Variants in TNS3 observed in about 807,000 individuals in gnomAD.
TNS3 encodes tensin-3.
A neutral mutation model predicts 140.9 loss-of-function variants in TNS3; 45 were observed. The ratio of observed to expected loss-of-function variants is 0.32; its 90% CI spans 0.25 to 0.41. The LOEUF (loss-of-function observed/expected upper bound fraction) is 0.41, where lower values mean the gene tolerates loss of function less well. Ranked by LOEUF, TNS3 falls within the 10% of genes least tolerant of loss-of-function variation. The probability of loss-of-function intolerance (pLI) is 1.00; values close to 1 mark genes in which losing one functional copy is unlikely to be tolerated. For synonymous variants in TNS3, 815 were observed against 788.4 expected (o/e 1.03, Z -0.56); for missense variants, 1,716 against 1,906.7 (o/e 0.90, Z 1.86).
chr7:47,374,310 T>C (rs997529009), intron 16 of TNS3, among the ~76,000 whole-genome samples: 4 of 152,178 alleles, frequency 2.6e-5, no homozygotes, highest in African/African-American at 7.2e-5. Context: ...AATGGCACCA[T>C]GCTATCTGCC....
rs189760558 is a variant in TNS3 at position 47,535,688 on chromosome 7, T to A, written c.-264-6541A>T. On this transcript the variant is annotated intron_variant, in intron 1 of 30. Coordinates refer to ENST00000311160, the MANE Select transcript of TNS3 (RefSeq NM_022748.12). ...TCCCTGAGGGGGACACAGTAATTAG[T>A]GCTGGTCTTGATTGTGAGGTCTCTT... Among the ~76,000 whole-genome samples, 16 of 152,352 alleles carry A rather than the reference T, an allele frequency of 1.1e-4. No homozygotes were observed. The East Asian group carries it at 3.1e-3, about 29-fold the overall frequency.
intron 2 of TNS3, among the ~76,000 whole-genome samples, chr7:47,525,136 T>C (rs1037708383): frequency 7.2e-5 from 11 of 152,144 alleles, no homozygotes. Flanking sequence ...AGGACAGAGC[T>C]GGCAGCCCCG....
At chr7:47,461,471 A>C (rs1796487181) in intron 4 of TNS3, among the ~76,000 whole-genome samples, 1 of 152,166 alleles carries the variant, frequency 6.6e-6, no homozygotes, top group Admixed American at 6.5e-5. Flanking sequence ...TCAGTCAGCC[A>C]AGACTCTAGC....
intron 7 of TNS3, among the ~76,000 whole-genome samples, chr7:47,436,219 C>T (rs1795174232): frequency 6.6e-6 from 1 of 152,194 alleles, no homozygotes; most frequent in Non-Finnish European, 1.5e-5. Context: ...TTTCTGTATA[C>T]ATTTAGCATA....
chr7:47,406,897 G>A (rs1793480707), intron 13 of TNS3, among the ~76,000 whole-genome samples: 1 of 152,164 alleles, frequency 6.6e-6, no homozygotes, highest in Admixed American at 6.5e-5. Context: ...GCAAAGTGAA[G>A]GCGGCGTGGG....
chr7:47,503,115 T>C (rs1036211758), intron 3 of TNS3, among the ~76,000 whole-genome samples: 1 of 152,180 alleles, frequency 6.6e-6, no homozygotes, highest in Non-Finnish European at 1.5e-5. Flanking sequence ...GTATGGTCCC[T>C]ACGTGGGGTC....
At chr7:47,505,826 T>C (rs1333598541) in intron 3 of TNS3, among the ~76,000 whole-genome samples, 1 of 152,208 alleles carries the variant, frequency 6.6e-6, no homozygotes, top group East Asian at 1.9e-4. Context: ...TGTGTATTTA[T>C]GTGCATGCAC....
At chr7:47,388,045 C>T (rs553653635) in intron 16 of TNS3, among the ~76,000 whole-genome samples, 4 of 152,302 alleles carry the variant, frequency 2.6e-5, no homozygotes, top group South Asian at 2.1e-4. Flanking sequence ...AAAGGTTCTA[C>T]GCACGGAAGA....
At chr7:47,404,662 G>A (rs190752734) in intron 13 of TNS3, among the ~76,000 whole-genome samples, 90 of 151,996 alleles carry the variant, frequency 5.9e-4, no homozygotes, top group East Asian at 4.9e-3. Flanking sequence ...CGAGGCAGGC[G>A]GATCACAAGG....
intron 13 of TNS3, among the ~76,000 whole-genome samples, chr7:47,406,932 T>A (rs947891770): frequency 1.1e-4 from 17 of 151,632 alleles, no homozygotes; most frequent in African/African-American, 4.1e-4. Context: ...CATGGCAGAG[T>A]GGGTCACTGG....
rs147636854 is a variant in TNS3 at position 47,463,167 on chromosome 7, G to A, written c.-76+17936C>T. Among the ~76,000 whole-genome samples the A allele has an allele frequency of 2.3e-3, 350 of 152,256 alleles. 1 individual carries two copies. The highest frequency in any genetic ancestry group is 3.7e-3 in the Admixed American group (56 of 15,288). On this transcript the variant is annotated intron_variant, in intron 4 of 30. Transcript: ENST00000311160. ...ACCGCTTCAAGGCATAACCTTGGCC[G>A]GGTGCAGTGGCTCACACCTGTAATC... is the stretch of plus-strand genomic sequence containing the variant.
chr7:47,344,560 A>C (rs1789207407), intron 20 of TNS3, among the ~76,000 whole-genome samples, 195 bp downstream of exon 20: 1 of 152,244 alleles, frequency 6.6e-6, no homozygotes, highest in East Asian at 1.9e-4. Context: ...ATGCAAGGCC[A>C]GGTTGCCACC....
chr7:47,497,102 T>G (rs118133197), intron 3 of TNS3, among the ~76,000 whole-genome samples: 220 of 152,352 alleles, frequency 1.4e-3, no homozygotes, highest in Non-Finnish European at 2.8e-3. Context: ...GGAATTTGTT[T>G]GCTTAAAAGA....
At chr7:47,533,123 A>ATTTTTT (rs35691609) in intron 1 of TNS3, among the ~76,000 whole-genome samples, 1 of 88,818 alleles carries the variant, frequency 1.1e-5, no homozygotes, top group African/African-American at 6.2e-5. Context: ...ATATATATAT[A>ATTTTTT]TTTTTTTTTT....
At chr7:47,314,852 C>T (rs139305381) in intron 20 of TNS3, among the ~76,000 whole-genome samples, 1 of 152,204 alleles carries the variant, frequency 6.6e-6, no homozygotes, top group Non-Finnish European at 1.5e-5. Flanking sequence ...CTCCAGAGCC[C>T]TGCGCCTGTG....
intron 4 of TNS3, among the ~76,000 whole-genome samples, chr7:47,454,979 G>A (rs2151653808): frequency 6.6e-6 from 1 of 152,298 alleles, no homozygotes; most frequent in Middle Eastern, 3.4e-3. Context: ...GTTCTGTCCT[G>A]TTAGATGTCC....
chr7:47,547,545 A>G (rs1329246759), intron 1 of TNS3, among the ~76,000 whole-genome samples: 1 of 152,078 alleles, frequency 6.6e-6, no homozygotes, highest in East Asian at 1.9e-4. Flanking sequence ...TCACCAGCAC[A>G]AGGTACTGGG....
chr7:47,434,916 C>A (rs1795102505), intron 8 of TNS3, among the ~76,000 whole-genome samples: 1 of 152,240 alleles, frequency 6.6e-6, no homozygotes, highest in South Asian at 2.1e-4. Flanking sequence ...GAAAGTCTGA[C>A]ACAGTCCATC....
chr7:47,523,748 T>A (rs1418424698), intron 2 of TNS3, among the ~76,000 whole-genome samples: 3 of 152,200 alleles, frequency 2.0e-5, no homozygotes, highest in South Asian at 2.1e-4. Flanking sequence ...CAACAGGACA[T>A]GCAGCTTCCC....
Sources: allele counts gnomAD v4.1 joint callset (sites outside exome capture counted in the v4.1 genomes callset), GRCh38; gene constraint gnomAD v4.1.1; transcripts MANE v1.5; gene names NCBI Gene and HGNC (gene_info 2026-07-23, HGNC 2026-07-21).